MAP3K4: variants seen among roughly 807,000 people sequenced by gnomAD.
MAP3K4 encodes MAP three kinase 1.
Under a neutral mutation model 185.6 loss-of-function variants are expected in MAP3K4, and 67 were observed. The ratio of observed to expected loss-of-function variants is 0.36; its 90% CI spans 0.30 to 0.44. The LOEUF is 0.44. Among genes scored for constraint, MAP3K4 ranks in the 20% least tolerant of loss-of-function variants. MAP3K4 has a pLI of 1.00. For missense variants in MAP3K4, 1,551 were observed against 1,995.1 expected, an observed-to-expected ratio of 0.78 and a Z score of 4.24; for synonymous variants, 702 against 710.4, an observed-to-expected ratio of 0.99 and a Z score of 0.19.
chr6:161,013,487 C>T (rs1583107788), intron 1 of MAP3K4, among the ~76,000 whole-genome samples: 1 of 152,062 alleles, frequency 6.6e-6, no homozygotes, highest in African/African-American at 2.4e-5. Flanking sequence ...GCTAGAAACC[C>T]CAACACATGA....
chr6:161,039,224 G>A (rs1783323052), intron 2 of MAP3K4, among the ~76,000 whole-genome samples: 1 of 130,100 alleles, frequency 7.7e-6, no homozygotes, highest in Non-Finnish European at 1.5e-5. Context: ...TGGGGAATTA[G>A]AATCTGGTCA....
rs964372675 is a variant in MAP3K4 at position 161,082,786 on chromosome 6, G to C, written c.2256-1715G>C. Reference sequence around the variant, plus strand: ...CTCTTCCCAGGTTGTCATTTCTCACGTATGTTATTGCAGTAGCTCTCTAAA... The same window carrying C: ...CTCTTCCCAGGTTGTCATTTCTCACCTATGTTATTGCAGTAGCTCTCTAAA... On this transcript the variant is annotated intron_variant, in intron 6 of 26. Coordinates refer to ENST00000392142, the MANE Select transcript of MAP3K4 (RefSeq NM_005922.4). The surrounding 1 kb of genome is among the most constrained non-coding windows in gnomAD (Gnocchi z 4.2). Among the ~76,000 whole-genome samples, 1 of 152,098 alleles carries C rather than the reference G, an allele frequency of 6.6e-6. No individual in the cohort carries two copies. The highest frequency in any genetic ancestry group is 2.4e-5 in the African/African-American group (1 of 41,402).
chr6:161,094,501 T>A (rs191705291), intron 15 of MAP3K4, among the ~76,000 whole-genome samples: 14 of 152,356 alleles, frequency 9.2e-5, no homozygotes, highest in African/African-American at 3.1e-4. Flanking sequence ...AGCTGTGTCT[T>A]ATGCCGTTCT....
intron 15 of MAP3K4, among the ~76,000 whole-genome samples, chr6:161,094,339 G>C (rs994036071): frequency 2.6e-5 from 4 of 152,118 alleles, no homozygotes; most frequent in African/African-American, 9.7e-5. Flanking sequence ...TGGTTTTACT[G>C]TTTAAAAAAT....
At chr6:161,111,350 A>C (rs1360253451) in intron 23 of MAP3K4, among the ~76,000 whole-genome samples, 2 of 152,254 alleles carry the variant, frequency 1.3e-5, no homozygotes, top group Admixed American at 1.3e-4. Context: ...TGTTGCTTGT[A>C]GGAATATTTG....
At position 161,108,901 on chromosome 6, in the gene MAP3K4, G is replaced by GA; in HGVS notation, c.4236+43dup. On this transcript the variant is annotated intron_variant, in intron 22 of 26. Transcript: ENST00000392142. The surrounding 1 kb of genome is among the most constrained non-coding windows in gnomAD (Gnocchi z 5.7). The stretch of plus-strand genomic sequence containing the variant: ...GCCACTCTTTGTGTGAGGAATCAGT[G>GA]AGGGCACAGAATGGAGTCCTGTTCT... 1 of 1,592,812 alleles carries GA rather than the reference G, an allele frequency of 6.3e-7. No homozygotes were observed. Among genetic ancestry groups the GA allele is most frequent in the Non-Finnish European group, 8.6e-7 (1 of 1,160,680 alleles).
rs1785489051 is a variant in MAP3K4, at chr6:161,082,131, T to G, written c.2255+1093T>G. The stretch of plus-strand genomic sequence containing the variant: ...TCTTTATTTGGAGTGGACAGTGAAC[T>G]TGCTCTCCTCTCATAACTCCATCCG... On this transcript the variant is annotated intron_variant, in intron 6 of 26. Transcript: ENST00000392142. The surrounding 1 kb of genome is among the most constrained non-coding windows in gnomAD (Gnocchi z 4.2). Among the ~76,000 whole-genome samples the G allele has an allele frequency of 6.6e-6, 1 of 152,056 alleles. No homozygotes were observed. The highest frequency in any genetic ancestry group is 2.4e-5 in the African/African-American group (1 of 41,384).
chr6:161,115,437 C>A lies in MAP3K4; in HGVS notation c.4806+135C>A. ...AAAGGAACTAAATGTATTATTATGC[C>A]AGGGATTTTTGTATGTGTTTTTTCA... On this transcript the variant is annotated intron_variant, in intron 26 of 26. Transcript: ENST00000392142. This position sits in a 1 kb window ranked among gnomAD's most constrained non-coding sequence, Gnocchi z 6.0. 1 of 847,842 alleles carries A rather than the reference C, an allele frequency of 1.2e-6. No individual in the cohort carries two copies. Among genetic ancestry groups the A allele is most frequent in the Non-Finnish European group, 1.8e-6 (1 of 569,008 alleles). 52.5% of individuals were successfully genotyped at this position (847,842 alleles called of 1,614,324 possible). A position where few individuals can be genotyped will look rare whatever the true frequency, so the allele number is the denominator to read the frequency against.
In MAP3K4 at chr6:161,101,614, A is replaced by G. The variant is rs1777843088; in HGVS notation, c.3675-278A>G. 3 of 248,512 alleles carry G rather than the reference A, an allele frequency of 1.2e-5. No individual in the cohort carries two copies. The South Asian group carries it at 3.8e-4, about 31-fold the overall frequency. 15.4% of individuals were successfully genotyped at this position (248,512 alleles called of 1,614,324 possible). On this transcript the variant is annotated intron_variant, in intron 17 of 26. Transcript: ENST00000392142. This position sits in a 1 kb window ranked among gnomAD's most constrained non-coding sequence, Gnocchi z 5.1. ...GAGATGAAAATGGAGCCCTCCTTCC[A>G]GACTCTAGAGCTCTAACAGACTCCA...
In MAP3K4 at chr6:161,100,940, G is replaced by A. The variant is rs1410991113; in HGVS notation, c.3675-952G>A. The A allele has an allele frequency of 1.3e-5, 2 of 151,990 alleles. No individual in the cohort carries two copies. The highest frequency in any genetic ancestry group is 3.9e-4 in the East Asian group (2 of 5,182). The allele number at this position is 151,990 out of a possible 1,614,324, so 9.4% of individuals were successfully genotyped here. A position where few individuals can be genotyped will look rare whatever the true frequency, so the allele number is the denominator to read the frequency against. ...TGCTATACTAGATTTGAGGGCTTAG[G>A]GAAATACCAGAAAAAAATGCATATT... On this transcript the variant is annotated intron_variant, in intron 17 of 26. Coordinates refer to ENST00000392142, the MANE Select transcript of MAP3K4 (RefSeq NM_005922.4). This position sits in a 1 kb window ranked among gnomAD's most constrained non-coding sequence, Gnocchi z 5.8.
chr6:161,109,614 C>G lies in MAP3K4; in HGVS notation c.4237-141C>G. On this transcript the variant is annotated intron_variant, in intron 22 of 26. Transcript: ENST00000392142. The surrounding 1 kb of genome is among the most constrained non-coding windows in gnomAD (Gnocchi z 5.7). Reference sequence around the variant, plus strand: ...AGAAACGACTGTTGTGAGACACATTCAGTGCTCAGGATGGCAAGTGTAGTA... The same window carrying G: ...AGAAACGACTGTTGTGAGACACATTGAGTGCTCAGGATGGCAAGTGTAGTA... The G allele has an allele frequency of 1.3e-6, 1 of 787,018 alleles. No individual in the cohort carries two copies. Among genetic ancestry groups the G allele is most frequent in the Admixed American group, 2.5e-5 (1 of 40,368 alleles). 48.8% of individuals were successfully genotyped at this position (787,018 alleles called of 1,614,324 possible).
In MAP3K4 at chr6:161,091,941, G is replaced by C; in HGVS notation, c.3136-69G>C. ...GTTTTTAGAAAACATTTTAGACATG[G>C]CATTATAGTGTGTGATATTATTTAA... On this transcript the variant is annotated intron_variant, in intron 12 of 26. Transcript: ENST00000392142. The surrounding 1 kb of genome is among the most constrained non-coding windows in gnomAD (Gnocchi z 5.5). The C allele has an allele frequency of 7.7e-7, 1 of 1,296,406 alleles. No homozygotes were observed. Among genetic ancestry groups the C allele is most frequent in the Non-Finnish European group, 1.1e-6 (1 of 901,010 alleles). 80.3% of individuals were successfully genotyped at this position (1,296,406 alleles called of 1,614,324 possible).
rs756560906 is a variant in MAP3K4 at position 161,092,157 on chromosome 6, A to G, written c.3269+14A>G. The G allele has an allele frequency of 2.5e-6, 4 of 1,613,364 alleles. No individual in the cohort carries two copies. Among genetic ancestry groups the G allele is most frequent in the East Asian group, 2.2e-5 (1 of 44,840 alleles). On this transcript the variant is annotated intron_variant, in intron 13 of 26. Coordinates refer to ENST00000392142, the MANE Select transcript of MAP3K4 (RefSeq NM_005922.4). Reference sequence around the variant, plus strand: ...TACAAGACCCAGGTAATGACCAAGTAGGATGTTTCTGAAATGTGTCATGTG... The same window carrying G: ...TACAAGACCCAGGTAATGACCAAGTGGGATGTTTCTGAAATGTGTCATGTG...
Position 160,996,205 on chromosome 6 carries a change from C to T in MAP3K4, c.152+4122C>T, listed in dbSNP as rs1296217471. 6.6e-6 allele frequency among the ~76,000 whole-genome samples: 1 copy of T among 152,182 alleles called. No individual in the cohort carries two copies. Among genetic ancestry groups the T allele is most frequent in the Non-Finnish European group, 1.5e-5 (1 of 68,034 alleles). On this transcript the variant is annotated intron_variant, in intron 1 of 26. Coordinates refer to ENST00000392142, the MANE Select transcript of MAP3K4 (RefSeq NM_005922.4). The surrounding 1 kb of genome is among the most constrained non-coding windows in gnomAD (Gnocchi z 4.5). Reference sequence around the variant, plus strand: ...AGCATCAGTGATGGTCATGCCTTTACACCACTGTAACAGTAGATGCCATTG... The same window carrying T: ...AGCATCAGTGATGGTCATGCCTTTATACCACTGTAACAGTAGATGCCATTG...
In MAP3K4 at chr6:161,073,567, C is replaced by CT; in HGVS notation, c.2053dup (p.Cys685LeufsTer4). On this transcript the variant is annotated frameshift_variant, in exon 5 of 27. Coordinates refer to ENST00000392142, the MANE Select transcript of MAP3K4 (RefSeq NM_005922.4). LOFTEE classifies it high-confidence loss of function. This position sits in a 1 kb window ranked among gnomAD's most constrained non-coding sequence, Gnocchi z 4.2. ...TTCTGGAGGACTTGGAGAAGCCCGA[C>CT]TGCAACATTGACGCTTTTGAAGAGG... 6.2e-7 allele frequency: 1 copy of CT among 1,614,038 alleles called. No homozygotes were observed. The highest frequency in any genetic ancestry group is 1.7e-4 in the Middle Eastern group (1 of 6,060).
At chr6:161,018,202 T>TG (rs754558210) in intron 1 of MAP3K4, among the ~76,000 whole-genome samples, 1 of 152,070 alleles carries the variant, frequency 6.6e-6, no homozygotes, top group African/African-American at 2.4e-5. Flanking sequence ...AGTTGGAAGT[T>TG]GAGGTTGGAG....
In MAP3K4 at chr6:161,076,714, A is replaced by G. The variant is rs776956265; in HGVS notation, c.2097+3102A>G. ...GGTAGTTGTAGAAGAGACACAAGAGAGCTCACATGTACACAATTTGAGTTT... is the reference window on the plus strand; with the variant it reads ...GGTAGTTGTAGAAGAGACACAAGAGGGCTCACATGTACACAATTTGAGTTT... On this transcript the variant is annotated intron_variant, in intron 5 of 26. Transcript: ENST00000392142. This position sits in a 1 kb window ranked among gnomAD's most constrained non-coding sequence, Gnocchi z 4.2. 3.0e-4 allele frequency among the ~76,000 whole-genome samples: 46 copies of G among 152,236 alleles called. No individual in the cohort carries two copies. Among genetic ancestry groups the G allele is most frequent in the Non-Finnish European group, 4.7e-4 (32 of 68,046 alleles).
chr6:161,012,244 TTC>T (rs1435069535), intron 1 of MAP3K4, among the ~76,000 whole-genome samples: 4 of 152,174 alleles, frequency 2.6e-5, no homozygotes, highest in Non-Finnish European at 5.9e-5. Context: ...TTGTTGAACA[TTC>T]TGTGTTCTTT....
chr6:161,019,434 C>T (rs939473721), intron 1 of MAP3K4, among the ~76,000 whole-genome samples: 5 of 152,162 alleles, frequency 3.3e-5, no homozygotes, highest in South Asian at 2.1e-4. Flanking sequence ...ATTTTTGAGA[C>T]GGAGTCTCTC....
Sources: allele counts gnomAD v4.1 joint callset (sites outside exome capture counted in the v4.1 genomes callset), GRCh38; gene constraint gnomAD v4.1.1; non-coding constraint Gnocchi (gnomAD v3.1); transcripts MANE v1.5; gene names NCBI Gene and HGNC (gene_info 2026-07-23, HGNC 2026-07-21).